NAV3: variants seen among roughly 807,000 people sequenced by gnomAD.
The protein encoded by NAV3 is pore membrane and/or filament interacting like protein 1.
Under a neutral mutation model 244.7 loss-of-function variants are expected in NAV3, and 87 were observed. The observed-to-expected ratio is 0.36, with a 90% CI of 0.30 to 0.42. The LOEUF is 0.42. Among genes scored for constraint, NAV3 ranks in the 20% least tolerant of loss-of-function variants. NAV3 has a pLI of 1.00. For missense variants in NAV3, 2,663 were observed against 2,893.3 expected, an observed-to-expected ratio of 0.92 and a Z score of 1.83; for synonymous variants, 1,126 against 1,042.2, an observed-to-expected ratio of 1.08 and a Z score of -1.55.
At chr12:77,785,087 G>A (rs1045979122) in intron 2 of NAV3, among the ~76,000 whole-genome samples, 23 of 152,246 alleles carry the variant, frequency 1.5e-4, no homozygotes, top group African/African-American at 5.5e-4. Context: ...AAATAATGCA[G>A]GTCAGTGAAT....
In NAV3 at chr12:77,590,535, G is replaced by A. The variant is rs141485367; in HGVS notation, c.72+18269G>A. ...AGAGGGTGGAGGGTAGGAGGAGGGA[G>A]GGGATGGGGAAAAATAACTAACGGG... On this transcript the variant is annotated intron_variant, in intron 2 of 8. Coordinates refer to the NAV3 transcript ENST00000550042. 3.2e-3 allele frequency among the ~76,000 whole-genome samples: 491 copies of A among 152,268 alleles called. 4 individuals carry two copies. The highest frequency in any genetic ancestry group is 0.011 in the African/African-American group (477 of 41,562).
At chr12:77,982,064 T>C (rs1439580005) in intron 5 of NAV3, among the ~76,000 whole-genome samples, 1 of 152,186 alleles carries the variant, frequency 6.6e-6, no homozygotes, top group African/African-American at 2.4e-5. Context: ...AAAGATTGTC[T>C]TTACATTCTG....
At chr12:77,656,610 A>C (rs1024433923) in intron 2 of NAV3, among the ~76,000 whole-genome samples, 6 of 134,020 alleles carry the variant, frequency 4.5e-5, no homozygotes, top group Admixed American at 3.7e-4. Context: ...AAGCGGACCT[A>C]ATAGACATCT....
At chr12:77,759,845 G>C (rs1243075377) in intron 2 of NAV3, among the ~76,000 whole-genome samples, 1 of 152,010 alleles carries the variant, frequency 6.6e-6, no homozygotes, top group Non-Finnish European at 1.5e-5. Context: ...TAGTTGACCT[G>C]CCCCTTATTG....
intron 18 of NAV3, among the ~76,000 whole-genome samples, chr12:78,130,178 A>T (rs1017328646): frequency 6.6e-6 from 1 of 152,152 alleles, no homozygotes; most frequent in Non-Finnish European, 1.5e-5. Context: ...GCCTAAACAG[A>T]GTGTAATATT....
At chr12:78,175,267 T>C (rs1958170748) in intron 24 of NAV3, 39 bp from the exon 25 acceptor site, 15 of 1,604,550 alleles carry the variant, frequency 9.3e-6, no homozygotes, top group Non-Finnish European at 1.3e-5. Flanking sequence ...AGATCGAGAC[T>C]CTTCATGAGC....
intron 1 of NAV3, among the ~76,000 whole-genome samples, chr12:77,906,523 GA>G (rs57220225): frequency 0.36 from 54,584 of 151,302 alleles, 10,353 homozygotes; most frequent in African/African-American, 0.47. Flanking sequence ...TGCCAGTAAA[GA>G]AAAAAAAATA....
At chr12:77,697,682 A>G (rs1015281947) in intron 2 of NAV3, among the ~76,000 whole-genome samples, 1 of 152,168 alleles carries the variant, frequency 6.6e-6, no homozygotes, top group Non-Finnish European at 1.5e-5. Context: ...AGCAGATTGT[A>G]TAACAAACAC....
At chr12:77,909,412 G>T (rs936816141) in intron 1 of NAV3, among the ~76,000 whole-genome samples, 6 of 151,078 alleles carry the variant, frequency 4.0e-5, no homozygotes, top group African/African-American at 1.2e-4. Flanking sequence ...AGAAGCATAA[G>T]AAATACCAAC....
At chr12:77,981,593 A>G (rs966802519) in intron 5 of NAV3, among the ~76,000 whole-genome samples, 4 of 152,014 alleles carry the variant, frequency 2.6e-5, no homozygotes, top group Non-Finnish European at 4.4e-5. Context: ...ATATTTAATT[A>G]TAGTATATCT....
chr12:78,097,075 C>G (rs1358351685), intron 12 of NAV3, among the ~76,000 whole-genome samples: 1 of 152,058 alleles, frequency 6.6e-6, no homozygotes, highest in African/African-American at 2.4e-5. Context: ...AAACAGAGAC[C>G]AGGGTGTGGG....
rs917368653 is a variant in NAV3 at position 77,706,424 on chromosome 12, A to G, written c.72+134158A>G. ...AGGGATCCATTCAATACATTGCTCT[A>G]TGCCTTCAATCCACTATTGAGACCT... On this transcript the variant is annotated intron_variant, in intron 2 of 8. Coordinates refer to the NAV3 transcript ENST00000550042. Among the ~76,000 whole-genome samples, 37 of 151,476 alleles carry G rather than the reference A, an allele frequency of 2.4e-4. 3 individuals are homozygous for G. Among genetic ancestry groups the G allele is most frequent in the African/African-American group, 8.6e-4 (35 of 40,866 alleles).
At position 77,766,021 on chromosome 12, in the gene NAV3, T is replaced by C. The variant is rs183493664; in HGVS notation, c.73-174298T>C. ...ATGGGCATGAGGGAGAGGCAGAAAT[T>C]GCCATCAGTTAAGAAATTTAAGGGA... On this transcript the variant is annotated intron_variant, in intron 2 of 8. Coordinates refer to the NAV3 transcript ENST00000550042. Among the ~76,000 whole-genome samples, 860 of 152,198 alleles carry C rather than the reference T, an allele frequency of 5.7e-3. 6 individuals carry two copies. The highest frequency in any genetic ancestry group is 0.014 in the Middle Eastern group (4 of 294).
At chr12:77,651,140 T>A (rs1872803554) in intron 2 of NAV3, among the ~76,000 whole-genome samples, 2 of 152,226 alleles carry the variant, frequency 1.3e-5, no homozygotes, top group South Asian at 2.1e-4. Flanking sequence ...TGACTCAGGT[T>A]AATTATAAAA....
chr12:77,690,602 G>T (rs1317569254), intron 2 of NAV3, among the ~76,000 whole-genome samples: 1 of 150,902 alleles, frequency 6.6e-6, no homozygotes, highest in Non-Finnish European at 1.5e-5. Context: ...GGTTTTTGCG[G>T]CCAGAAATCT....
chr12:78,012,158 A>G (rs1393359268), intron 8 of NAV3, among the ~76,000 whole-genome samples: 1 of 152,140 alleles, frequency 6.6e-6, no homozygotes, highest in Non-Finnish European at 1.5e-5. Flanking sequence ...TTCTCTTTCA[A>G]TGACCCCTTC....
intron 15 of NAV3, 64 bp from the exon 16 acceptor site, chr12:78,121,876 G>C (rs975886354): frequency 6.3e-7 from 1 of 1,583,412 alleles, no homozygotes; most frequent in Middle Eastern, 1.8e-4. Context: ...ACTGTAACCC[G>C]AAATATTAAA....
chr12:77,765,429 A>G (rs11106616), intron 2 of NAV3, among the ~76,000 whole-genome samples: 1 of 152,240 alleles, frequency 6.6e-6, no homozygotes, highest in East Asian at 1.9e-4. Flanking sequence ...CACACATGCT[A>G]CTGGAAGAGA....
chr12:77,580,052 T>C (rs1041962518), intron 2 of NAV3, among the ~76,000 whole-genome samples: 7 of 152,144 alleles, frequency 4.6e-5, no homozygotes, highest in Admixed American at 2.0e-4. Context: ...ACTGACTTAC[T>C]ATGGGGCCCC....
Sources: allele counts gnomAD v4.1 joint callset (sites outside exome capture counted in the v4.1 genomes callset), GRCh38; gene constraint gnomAD v4.1.1; transcripts MANE v1.5; gene names NCBI Gene and HGNC (gene_info 2026-07-23, HGNC 2026-07-21).